The following TMEM154 variants were observed in gnomAD, a reference collection of about 807,000 sequenced individuals.
TMEM154 encodes the protein transmembrane protein 154.
In TMEM154, 27 loss-of-function variants were observed where a neutral mutation model predicts 24.5. The ratio of observed to expected loss-of-function variants is 1.10; its 90% CI spans 0.81 to 1.52. The LOEUF (loss-of-function observed/expected upper bound fraction) is 1.52, where lower values mean the gene tolerates loss of function less well. TMEM154 is among the 40% of genes most tolerant of loss of function. The pLI, the probability that TMEM154 is intolerant of heterozygous loss-of-function variation, is 0.00. For missense variants in TMEM154, 228 were observed against 213.4 expected (o/e 1.07, Z -0.43); for synonymous variants, 67 against 76.8 (o/e 0.87, Z 0.67).
rs1427950546 is a variant in TMEM154 at position 152,673,266 on chromosome 4, T to A, written c.64+6604A>T. The stretch of plus-strand genomic sequence containing the variant: ...GCATAGTAATCCTTTTTTTCTTTTT[T>A]TTTTCCCACCCCGCTTCTGCATAAT... On this transcript the variant is annotated intron_variant, in intron 1 of 6. Coordinates refer to ENST00000304385, the MANE Select transcript of TMEM154 (RefSeq NM_152680.3). Among the ~76,000 whole-genome samples, 3 of 152,172 alleles carry A rather than the reference T, an allele frequency of 2.0e-5. No homozygotes were observed. In the South Asian group the frequency reaches 6.2e-4, roughly 32 times the overall value.
intron 6 of TMEM154, among the ~76,000 whole-genome samples, chr4:152,634,419 A>G (rs1752108867): frequency 6.6e-6 from 1 of 152,352 alleles, no homozygotes; most frequent in South Asian, 2.1e-4. Flanking sequence ...TCAGTTTAGC[A>G]TAAAGTCACA....
rs370759340 is a variant in TMEM154 at position 152,679,375 on chromosome 4, C to CT, written c.64+494dup. Among the ~76,000 whole-genome samples the CT allele has an allele frequency of 1.4e-3, 196 of 141,660 alleles. 1 individual carries two copies. Among genetic ancestry groups the CT allele is most frequent in the Middle Eastern group, 3.6e-3 (1 of 274 alleles). 92.9% of individuals were successfully genotyped at this position (141,660 alleles called of 152,430 possible). On this transcript the variant is annotated intron_variant, in intron 1 of 6. Coordinates refer to ENST00000304385, the MANE Select transcript of TMEM154 (RefSeq NM_152680.3). ...AGCTCTTCGGATAATTTCCCGTTTC[C>CT]TTTTTTTTTTTTTAAGTTTATGTCG...
Position 152,652,898 on chromosome 4 carries a change from C to A in TMEM154, c.94G>T (p.Asp32Tyr). The A allele has an allele frequency of 6.8e-6, 11 of 1,607,104 alleles. No individual in the cohort carries two copies. The highest frequency in any genetic ancestry group is 9.3e-6 in the Non-Finnish European group (11 of 1,177,578). ...GNYEELENSG[D>Y]TTVESERPNK... ...GGTCTTTCAGATTCCACAGTTGTAT[C>A]TCCTGAGTTTTCTAATTCCTCATAA... The change falls in exon 2 of 7, where the codon GAT becomes TAT. Residue 32 changes from aspartate (D) to tyrosine (Y), a missense_variant. By Grantham distance (160) the Asp-to-Tyr change is radical (BLOSUM62 -3). Transcript: ENST00000304385.
intron 1 of TMEM154, among the ~76,000 whole-genome samples, chr4:152,674,177 A>G (rs1728906565): frequency 6.6e-6 from 1 of 152,112 alleles, no homozygotes; most frequent in Admixed American, 6.6e-5. Flanking sequence ...GGAAGTTGAA[A>G]TTCGGAGTTA....
At chr4:152,655,651 G>A (rs1447276884) in intron 1 of TMEM154, among the ~76,000 whole-genome samples, 3 of 150,680 alleles carry the variant, frequency 2.0e-5, no homozygotes, top group East Asian at 2.0e-4. Context: ...CAGCAGCGGG[G>A]CGCTCACACA....
intron 1 of TMEM154, among the ~76,000 whole-genome samples, chr4:152,658,971 A>G (rs1276117920): frequency 6.6e-6 from 1 of 152,204 alleles, no homozygotes; most frequent in African/African-American, 2.4e-5. Flanking sequence ...TCAAAAAACT[A>G]ACAAGAGAAC....
At chr4:152,673,976 ATGGT>A (rs1234870878) in intron 1 of TMEM154, among the ~76,000 whole-genome samples, 2 of 152,054 alleles carry the variant, frequency 1.3e-5, no homozygotes, top group East Asian at 1.9e-4. Flanking sequence ...ATTCTCCAGA[ATGGT>A]TGTATAGAAA....
intron 1 of TMEM154, among the ~76,000 whole-genome samples, chr4:152,658,929 A>C (rs942562764): frequency 2.0e-5 from 3 of 152,224 alleles, no homozygotes; most frequent in Non-Finnish European, 4.4e-5. Context: ...GTAAATTAGT[A>C]CAGCCACTAT....
intron 1 of TMEM154, among the ~76,000 whole-genome samples, chr4:152,674,166 A>G (rs1246148579): frequency 6.6e-6 from 1 of 152,110 alleles, no homozygotes; most frequent in East Asian, 1.9e-4. Flanking sequence ...AAATGCTTAG[A>G]GGAAGTTGAA....
At chr4:152,646,734 T>A (rs1728249116) in intron 3 of TMEM154, 1 of 554,234 alleles carries the variant, frequency 1.8e-6, no homozygotes, top group East Asian at 3.1e-5. Context: ...GATCCTCTCC[T>A]CTGTGCATTC....
chr4:152,647,539 TG>T (rs1379544686), intron 3 of TMEM154, among the ~76,000 whole-genome samples: 7 of 152,214 alleles, frequency 4.6e-5, no homozygotes, highest in African/African-American at 7.2e-5. Context: ...TTTTCTCTGT[TG>T]TTTTTTTTAA....
rs556039665 is a variant in TMEM154 at position 152,660,890 on chromosome 4, CT to C, written c.65-7964del. 1.3e-3 allele frequency among the ~76,000 whole-genome samples: 198 copies of C among 152,276 alleles called. 4 individuals carry two copies. The highest frequency in any genetic ancestry group is 6.2e-3 in the East Asian group (32 of 5,194). ...GAAAAGCTGCCCAGAAGGACAGGGT[CT>C]TTTCAGCACCTCTCTGAGGAAGGTG... is the stretch of plus-strand genomic sequence containing the variant. On this transcript the variant is annotated intron_variant, in intron 1 of 6. Coordinates refer to ENST00000304385, the MANE Select transcript of TMEM154 (RefSeq NM_152680.3).
intron 6 of TMEM154, among the ~76,000 whole-genome samples, chr4:152,636,105 T>C (rs1752143777): frequency 1.3e-5 from 2 of 152,206 alleles, no homozygotes; most frequent in South Asian, 4.1e-4. Context: ...AGGGACTTTT[T>C]CTTGTTTGCA....
At chr4:152,657,257 T>C (rs917278320) in intron 1 of TMEM154, among the ~76,000 whole-genome samples, 30 of 151,436 alleles carry the variant, frequency 2.0e-4, no homozygotes, top group African/African-American at 7.1e-4. Context: ...CTCATGCCTG[T>C]AATCCCAGCA....
At chr4:152,645,127 T>G (rs992506019) in intron 3 of TMEM154, among the ~76,000 whole-genome samples, 3 of 152,192 alleles carry the variant, frequency 2.0e-5, no homozygotes, top group Non-Finnish European at 4.4e-5. Context: ...TGTTTGATTT[T>G]TTTTTTTCTG....
intron 3 of TMEM154, among the ~76,000 whole-genome samples, chr4:152,648,381 G>A (rs931468967): frequency 1.3e-5 from 2 of 152,204 alleles, no homozygotes; most frequent in Non-Finnish European, 2.9e-5. Flanking sequence ...TGTGGTACCA[G>A]CTACTCTGTA....
chr4:152,653,826 GT>G (rs1728438570), intron 1 of TMEM154, among the ~76,000 whole-genome samples: 2 of 151,370 alleles, frequency 1.3e-5, no homozygotes, highest in South Asian at 4.2e-4. Flanking sequence ...ATCACCTGAG[GT>G]CAGGAGTTCG....
At position 152,679,926 on chromosome 4, in the gene TMEM154, G is replaced by C. The variant is rs1325253780; in HGVS notation, c.8C>G (p.Ala3Gly). Residue 3 changes from alanine to glycine, a missense_variant, in exon 1 of 7, where the codon GCT becomes GGT. Ala to Gly is a moderately conservative substitution (Grantham distance 60, BLOSUM62 0). Transcript: ENST00000304385. ...GGCGAAGACTAGGGCTGCGCGGGGAGCCTGCATGTCCGCTCGCCTCGGCAG... is the reference window on the plus strand; with the variant it reads ...GGCGAAGACTAGGGCTGCGCGGGGACCCTGCATGTCCGCTCGCCTCGGCAG... Reference protein sequence around the residue: MQAPRAALVFALV... With the variant: MQGPRAALVFALV... 1 of 1,609,872 alleles carries C rather than the reference G, an allele frequency of 6.2e-7. No homozygotes were observed. The highest frequency in any genetic ancestry group is 1.3e-5 in the African/African-American group (1 of 74,916).
chr4:152,652,478 A>T, intron 3 of TMEM154, 60 bp downstream of exon 3: 1 of 1,594,944 alleles, frequency 6.3e-7, no homozygotes, highest in Non-Finnish European at 8.5e-7. Flanking sequence ...ATTTTAAAAC[A>T]TCTCTGCTCC....
Sources: allele counts gnomAD v4.1 joint callset (sites outside exome capture counted in the v4.1 genomes callset), GRCh38; gene constraint gnomAD v4.1.1; transcripts MANE v1.5; gene names NCBI Gene and HGNC (gene_info 2026-07-23, HGNC 2026-07-21).